HS6ST3: variants seen among roughly 807,000 people sequenced by gnomAD.
HS6ST3 encodes the protein heparan-sulfate 6-O-sulfotransferase 3.
HS6ST3 carries 12 observed loss-of-function variants against 36.7 expected under a neutral mutation model. That is an observed-to-expected ratio of 0.33 (90% CI 0.21 to 0.53). The LOEUF is 0.53. Among genes scored for constraint, HS6ST3 ranks in the 20% least tolerant of loss-of-function variants. HS6ST3 has a pLI of 0.95. For synonymous variants in HS6ST3, 240 were observed against 257.5 expected, an observed-to-expected ratio of 0.93 and a Z score of 0.65; for missense variants, 584 against 640.9, an observed-to-expected ratio of 0.91 and a Z score of 0.96.
intron 1 of HS6ST3, among the ~76,000 whole-genome samples, chr13:96,610,914 A>C (rs959983098): frequency 3.3e-5 from 5 of 151,706 alleles, no homozygotes; most frequent in African/African-American, 1.2e-4. Context: ...TGAAAGATAT[A>C]CTGGCATAGC....
At chr13:96,574,359 T>A in intron 1 of HS6ST3, 1 of 418,896 alleles carries the variant, frequency 2.4e-6, no homozygotes, top group Non-Finnish European at 4.6e-6. Context: ...AAGGATCCAA[T>A]TACCAGTGAA....
intron 1 of HS6ST3, among the ~76,000 whole-genome samples, chr13:96,488,778 T>A (rs1371935037): frequency 6.6e-6 from 1 of 152,122 alleles, no homozygotes; most frequent in Non-Finnish European, 1.5e-5. Context: ...ATATTCTTGG[T>A]CACTTTGAAT....
At chr13:96,413,089 T>C (rs2055516077) in intron 1 of HS6ST3, among the ~76,000 whole-genome samples, 3 of 152,250 alleles carry the variant, frequency 2.0e-5, no homozygotes, top group East Asian at 1.9e-4. Context: ...TCAAGCACCA[T>C]AGACACCTGC....
chr13:96,194,678 G>T (rs1012524051), intron 1 of HS6ST3, among the ~76,000 whole-genome samples: 8 of 151,932 alleles, frequency 5.3e-5, no homozygotes, highest in African/African-American at 1.9e-4. Context: ...TTACCATACT[G>T]TACATTTGAT....
intron 1 of HS6ST3, among the ~76,000 whole-genome samples, chr13:96,463,351 T>C (rs1402266435): frequency 6.6e-6 from 1 of 152,102 alleles, no homozygotes; most frequent in African/African-American, 2.4e-5. Context: ...CAAACAGCAT[T>C]GTAGAACAGA....
intron 1 of HS6ST3, among the ~76,000 whole-genome samples, chr13:96,660,026 G>T (rs2056641003): frequency 6.6e-6 from 1 of 151,952 alleles, no homozygotes; most frequent in Non-Finnish European, 1.5e-5. Context: ...ATCCTTTAAG[G>T]CTTGCAAACT....
In HS6ST3 at chr13:96,614,312, A is replaced by T. The variant is rs1048404497; in HGVS notation, c.708-218178A>T. 2.6e-3 allele frequency among the ~76,000 whole-genome samples: 394 copies of T among 149,346 alleles called. 6 individuals carry two copies. The highest frequency in any genetic ancestry group is 6.9e-3 in the Middle Eastern group (2 of 290). ...GGATCCATCTCAAAAAAAAAAAAAAAAAAAAAAAAAAAAAAACAGTTATTA... is the reference window on the plus strand; with the variant it reads ...GGATCCATCTCAAAAAAAAAAAAAATAAAAAAAAAAAAAAAACAGTTATTA... On this transcript the variant is annotated intron_variant, in intron 1 of 1. Coordinates refer to ENST00000376705, the MANE Select transcript of HS6ST3 (RefSeq NM_153456.4).
rs371878966 is a variant in HS6ST3, at chr13:96,432,400, C to T, written c.707+340831C>T. On this transcript the variant is annotated intron_variant, in intron 1 of 1. Coordinates refer to ENST00000376705, the MANE Select transcript of HS6ST3 (RefSeq NM_153456.4). ...TAATGAGAAATTTTAATTCTCTTAT[C>T]CCATTGTTCTTTTCTTTTAAAAGAT... is the stretch of plus-strand genomic sequence containing the variant. Among the ~76,000 whole-genome samples the T allele has an allele frequency of 4.6e-5, 7 of 152,174 alleles. No homozygotes were observed. The South Asian group carries it at 1.5e-3, about 32-fold the overall frequency.
At chr13:96,732,827 G>A (rs1352924082) in intron 1 of HS6ST3, among the ~76,000 whole-genome samples, 3 of 90,202 alleles carry the variant, frequency 3.3e-5, no homozygotes, top group African/African-American at 6.0e-5. Flanking sequence ...TTCCATCAAC[G>A]TTTTATAGTT....
intron 1 of HS6ST3, among the ~76,000 whole-genome samples, chr13:96,663,495 A>C (rs1191247595): frequency 1.3e-5 from 2 of 152,202 alleles, no homozygotes; most frequent in Admixed American, 6.5e-5. Flanking sequence ...AAATAGATGG[A>C]AGACACAGAG....
chr13:96,703,482 G>A (rs567327726), intron 1 of HS6ST3, among the ~76,000 whole-genome samples: 5 of 152,142 alleles, frequency 3.3e-5, no homozygotes, highest in African/African-American at 7.2e-5. Flanking sequence ...CTGATTGGGC[G>A]CTTGGTTTTT....
intron 1 of HS6ST3, among the ~76,000 whole-genome samples, chr13:96,631,814 G>T (rs1396407333): frequency 6.6e-6 from 1 of 152,166 alleles, no homozygotes; most frequent in African/African-American, 2.4e-5. Context: ...GTAACGAGAG[G>T]TCATCAGAAT....
intron 1 of HS6ST3, among the ~76,000 whole-genome samples, chr13:96,823,816 C>T (rs1230020405): frequency 6.6e-6 from 1 of 152,022 alleles, no homozygotes; most frequent in Non-Finnish European, 1.5e-5. Flanking sequence ...GATAGGGTTT[C>T]GCCATGTTGG....
intron 1 of HS6ST3, among the ~76,000 whole-genome samples, chr13:96,306,388 T>A (rs116718850): frequency 2.0e-3 from 302 of 152,176 alleles, no homozygotes; most frequent in African/African-American, 6.7e-3. Flanking sequence ...ATTTTTATAT[T>A]TTAGTAGACA....
chr13:96,772,183 GCAGAGCTATC>G (rs1877282113), intron 1 of HS6ST3, among the ~76,000 whole-genome samples: 1 of 152,202 alleles, frequency 6.6e-6, no homozygotes, highest in South Asian at 2.1e-4. Flanking sequence ...AGTGAAACTT[GCAGAGCTATC>G]AGAGTTGGGG....
At chr13:96,351,335 T>TTTTTTTTTTTTTTTTTTAAAAA (rs1203595829) in intron 1 of HS6ST3, among the ~76,000 whole-genome samples, 3 of 146,408 alleles carry the variant, frequency 2.0e-5, no homozygotes, top group African/African-American at 7.8e-5. Context: ...TTTTTTTTTT[T>TTTTTTTTTTTTTTTTTTAAAAA]AAAAAAAACA....
intron 1 of HS6ST3, among the ~76,000 whole-genome samples, chr13:96,537,246 T>G (rs2056159328): frequency 6.6e-6 from 1 of 152,052 alleles, no homozygotes; most frequent in Non-Finnish European, 1.5e-5. Flanking sequence ...TATAAAACCA[T>G]CAGATCTTGT....
intron 1 of HS6ST3, among the ~76,000 whole-genome samples, chr13:96,721,601 A>G (rs1033722168): frequency 2.6e-5 from 4 of 152,162 alleles, no homozygotes; most frequent in African/African-American, 7.2e-5. Flanking sequence ...GTCATCCCCA[A>G]TGCTTTCATA....
chr13:96,659,301 G>T (rs976524952), intron 1 of HS6ST3, among the ~76,000 whole-genome samples: 1 of 152,046 alleles, frequency 6.6e-6, no homozygotes, highest in Admixed American at 6.6e-5. Context: ...TTGTCCTTTG[G>T]ATATTTTCTG....
Sources: allele counts gnomAD v4.1 joint callset (sites outside exome capture counted in the v4.1 genomes callset), GRCh38; gene constraint gnomAD v4.1.1; transcripts MANE v1.5; gene names NCBI Gene and HGNC (gene_info 2026-07-23, HGNC 2026-07-21).